SLC35F1: variants seen among roughly 807,000 people sequenced by gnomAD.
The protein encoded by SLC35F1 is solute carrier family 35 member F1, also known as chromosome 6 open reading frame 169.
Under a neutral mutation model 48.7 loss-of-function variants are expected in SLC35F1, and 14 were observed. That is an observed-to-expected ratio of 0.29 (90% CI 0.19 to 0.45). SLC35F1 has a LOEUF of 0.45. SLC35F1 is among the 20% of genes least tolerant of loss of function. The pLI is 1.00. For missense variants in SLC35F1, 404 were observed against 500.0 expected, an observed-to-expected ratio of 0.81 and a Z score of 1.83; for synonymous variants, 190 against 202.2, an observed-to-expected ratio of 0.94 and a Z score of 0.51.
At chr6:117,959,845 G>A (rs1007773010) in intron 1 of SLC35F1, among the ~76,000 whole-genome samples, 1 of 152,060 alleles carries the variant, frequency 6.6e-6, no homozygotes, top group Non-Finnish European at 1.5e-5. Context: ...AATTTCACAA[G>A]CTTTCTCAAT....
At chr6:117,999,359 G>T in intron 1 of SLC35F1, 3 of 1,591,932 alleles carry the variant, frequency 1.9e-6, no homozygotes, top group Non-Finnish European at 2.6e-6. Context: ...CAAGGCCAAG[G>T]ATCAAACCAA....
chr6:118,314,121 G>A lies in SLC35F1; in HGVS notation c.1096G>A (p.Val366Met). ...TSTYIAQDPRVYKQFRNPSGP... is the reference protein window; with the variant it reads ...TSTYIAQDPRMYKQFRNPSGP... The stretch of plus-strand genomic sequence containing the variant: ...CACCTACATAGCCCAGGACCCCCGA[G>A]TGTATAAGCAGTTCCGCAATCCTTC... Residue 366 changes from valine (V) to methionine (M), a missense_variant, in exon 8 of 8, where the codon GTG becomes ATG. Coordinates refer to ENST00000360388, the MANE Select transcript of SLC35F1 (RefSeq NM_001029858.4). The A allele has an allele frequency of 1.2e-6, 2 of 1,614,174 alleles. No individual in the cohort carries two copies. Among genetic ancestry groups the A allele is most frequent in the Non-Finnish European group, 1.7e-6 (2 of 1,180,038 alleles).
chr6:118,159,364 A>G (rs1774193792), intron 2 of SLC35F1, among the ~76,000 whole-genome samples: 1 of 152,146 alleles, frequency 6.6e-6, no homozygotes, highest in African/African-American at 2.4e-5. Flanking sequence ...TAAAACAGAG[A>G]TAACTGTTAC....
At chr6:118,043,793 C>G (rs1353635061) in intron 1 of SLC35F1, among the ~76,000 whole-genome samples, 1 of 152,184 alleles carries the variant, frequency 6.6e-6, no homozygotes, top group Non-Finnish European at 1.5e-5. Context: ...TTTTGCCAGA[C>G]AGGCAGTGTG....
At chr6:118,017,123 T>C (rs889753684) in intron 1 of SLC35F1, among the ~76,000 whole-genome samples, 54 of 152,200 alleles carry the variant, frequency 3.5e-4, no homozygotes, top group Non-Finnish European at 1.5e-4. Flanking sequence ...ACCCAATGTC[T>C]TGAATGGACT....
chr6:118,257,987 A>G (rs1013829532), intron 3 of SLC35F1, among the ~76,000 whole-genome samples: 1 of 152,176 alleles, frequency 6.6e-6, no homozygotes, highest in Non-Finnish European at 1.5e-5. Context: ...ATAATGTACT[A>G]ACTTTATTAC....
chr6:117,907,675 A>T lies in SLC35F1; in HGVS notation c.-52A>T. On this transcript the variant is annotated 5_prime_UTR_variant, in exon 1 of 8. Transcript: ENST00000360388. ...GCGTTCCCGGGCCCGGAACCGGCACACGATGCACCCGGCTGCGTTCTGATC... is the reference window on the plus strand; with the variant it reads ...GCGTTCCCGGGCCCGGAACCGGCACTCGATGCACCCGGCTGCGTTCTGATC... The T allele has an allele frequency of 8.5e-7, 1 of 1,176,950 alleles. No individual in the cohort carries two copies. The highest frequency in any genetic ancestry group is 1.2e-6 in the Non-Finnish European group (1 of 861,310). 72.9% of individuals were successfully genotyped at this position (1,176,950 alleles called of 1,614,324 possible).
chr6:118,062,505 T>G (rs1772555463), intron 1 of SLC35F1, among the ~76,000 whole-genome samples: 1 of 152,194 alleles, frequency 6.6e-6, no homozygotes, highest in Non-Finnish European at 1.5e-5. Context: ...TCCTTTGAGT[T>G]ACAAATAATC....
chr6:118,253,929 A>G (rs965462781), intron 3 of SLC35F1, among the ~76,000 whole-genome samples: 1 of 151,928 alleles, frequency 6.6e-6, no homozygotes, highest in Admixed American at 6.6e-5. Flanking sequence ...GCCAGTGGGC[A>G]TCGAGAATAA....
In SLC35F1 at chr6:118,130,209, T is replaced by C. The variant is rs536083714; in HGVS notation, c.174-24236T>C. ...CTTCATCAGTGGGTTGTTGTGAAGA[T>C]GAGATGACTTAGTACCTGTAAAATG... is the stretch of plus-strand genomic sequence containing the variant. On this transcript the variant is annotated intron_variant, in intron 1 of 7. Coordinates refer to ENST00000360388, the MANE Select transcript of SLC35F1 (RefSeq NM_001029858.4). Among the ~76,000 whole-genome samples, 41 of 152,260 alleles carry C rather than the reference T, an allele frequency of 2.7e-4. 1 individual carries two copies. Among genetic ancestry groups the C allele is most frequent in the African/African-American group, 9.9e-4 (41 of 41,574 alleles).
intron 1 of SLC35F1, among the ~76,000 whole-genome samples, chr6:118,083,012 A>T (rs1214097454): frequency 6.6e-6 from 1 of 152,132 alleles, no homozygotes; most frequent in Non-Finnish European, 1.5e-5. Context: ...GGGAATGGGG[A>T]AAAAACTGCT....
intron 3 of SLC35F1, among the ~76,000 whole-genome samples, chr6:118,261,552 A>C (rs1221105772): frequency 1.3e-5 from 2 of 152,226 alleles, no homozygotes; most frequent in Admixed American, 1.3e-4. Context: ...ACGTGAACGC[A>C]CACAGGGGCT....
At chr6:118,207,781 G>GACTT (rs1396091442) in intron 2 of SLC35F1, among the ~76,000 whole-genome samples, 1 of 152,108 alleles carries the variant, frequency 6.6e-6, no homozygotes, top group African/African-American at 2.4e-5. Flanking sequence ...TCTAAACTAT[G>GACTT]ACTTACTATC....
intron 1 of SLC35F1, among the ~76,000 whole-genome samples, chr6:117,941,594 G>A (rs1459421754): frequency 1.3e-5 from 2 of 152,104 alleles, no homozygotes; most frequent in Admixed American, 6.6e-5. Flanking sequence ...TTAAGCCAGT[G>A]GATTTCATTC....
chr6:118,007,479 G>A (rs1331523323), intron 1 of SLC35F1, among the ~76,000 whole-genome samples: 1 of 152,032 alleles, frequency 6.6e-6, no homozygotes, highest in African/African-American at 2.4e-5. Flanking sequence ...GTGACTTCAG[G>A]GGTGCACTCT....
At chr6:118,291,947 G>A (rs1047021373) in intron 7 of SLC35F1, among the ~76,000 whole-genome samples, 8 of 151,972 alleles carry the variant, frequency 5.3e-5, no homozygotes, top group African/African-American at 1.4e-4. Flanking sequence ...GTGAAACTCC[G>A]TCTCTACTAA....
intron 2 of SLC35F1, among the ~76,000 whole-genome samples, chr6:118,229,469 T>C (rs1182024934): frequency 6.6e-6 from 1 of 152,124 alleles, no homozygotes; most frequent in African/African-American, 2.4e-5. Flanking sequence ...TGGGGTGCCC[T>C]GCAAGTGAGT....
At chr6:118,277,422 G>A (rs2114632758) in intron 5 of SLC35F1, 72 bp from the exon 6 acceptor site, 2 of 1,347,672 alleles carry the variant, frequency 1.5e-6, no homozygotes, top group Non-Finnish European at 2.1e-6. Context: ...TAAGTGGGGG[G>A]GAAAAAAGAA....
chr6:118,099,652 C>G (rs980045938), intron 1 of SLC35F1, among the ~76,000 whole-genome samples: 2 of 152,108 alleles, frequency 1.3e-5, no homozygotes, highest in Non-Finnish European at 2.9e-5. Context: ...GGAGTAACCC[C>G]AAGGTTAAAA....
Sources: allele counts gnomAD v4.1 joint callset (sites outside exome capture counted in the v4.1 genomes callset), GRCh38; gene constraint gnomAD v4.1.1; transcripts MANE v1.5; gene names NCBI Gene and HGNC (gene_info 2026-07-23, HGNC 2026-07-21).